The following AGBL1 variants were observed in gnomAD, a reference collection of about 807,000 sequenced individuals.
The protein encoded by AGBL1 is cytosolic carboxypeptidase 4.
A neutral mutation model predicts 118.9 loss-of-function variants in AGBL1; 130 were observed. That is an observed-to-expected ratio of 1.09 (90% CI 0.95 to 1.26). The LOEUF (loss-of-function observed/expected upper bound fraction) is 1.26, where lower values mean the gene tolerates loss of function less well. AGBL1 is among the 50% of genes most tolerant of loss of function. The pLI is 0.00. For missense variants in AGBL1, 1,584 were observed against 1,298.1 expected (o/e 1.22, Z -3.38); for synonymous variants, 555 against 478.9 (o/e 1.16, Z -2.08).
rs1188061011 is a variant in AGBL1, at chr15:86,968,142, T to C, written c.3222-19845T>C. ...GGTGAGGAGAGTCTCTTCCTGAACATGCAGAAAGAGGGTCACCCAAAATCA... is the reference window on the plus strand; with the variant it reads ...GGTGAGGAGAGTCTCTTCCTGAACACGCAGAAAGAGGGTCACCCAAAATCA... On this transcript the variant is annotated intron_variant, in intron 23 of 24. Coordinates refer to the AGBL1 transcript ENST00000441037. Among the ~76,000 whole-genome samples, 6 of 151,966 alleles carry C rather than the reference T, an allele frequency of 3.9e-5. No homozygotes were observed. In the East Asian group the frequency reaches 1.2e-3, roughly 30 times the overall value.
At chr15:86,301,478 T>C (rs2079744209) in intron 17 of AGBL1, among the ~76,000 whole-genome samples, 1 of 151,900 alleles carries the variant, frequency 6.6e-6, no homozygotes, top group Non-Finnish European at 1.5e-5. Context: ...GCATAATGAG[T>C]TCTCTCCATG....
At chr15:86,800,085 T>C (rs1169731033) in intron 22 of AGBL1, among the ~76,000 whole-genome samples, 2 of 152,090 alleles carry the variant, frequency 1.3e-5, no homozygotes, top group African/African-American at 4.8e-5. Context: ...ATCATGCTTG[T>C]TTACTAATAA....
chr15:86,098,007 A>G (rs1307723059), intron 1 of AGBL1, among the ~76,000 whole-genome samples: 1 of 152,112 alleles, frequency 6.6e-6, no homozygotes, highest in Non-Finnish European at 1.5e-5. Context: ...AATAATATCC[A>G]TTCTTCCTGG....
chr15:86,360,520 G>T (rs1381439348), intron 17 of AGBL1, among the ~76,000 whole-genome samples: 1 of 151,600 alleles, frequency 6.6e-6, no homozygotes, highest in Non-Finnish European at 1.5e-5. Context: ...TTTCCTTTTT[G>T]TCTCTTTGGT....
intron 22 of AGBL1, among the ~76,000 whole-genome samples, chr15:86,748,821 G>C (rs2077800608): frequency 6.6e-6 from 1 of 151,978 alleles, no homozygotes; most frequent in South Asian, 2.1e-4. Context: ...GATGGTTGTA[G>C]ATGTGTGGTA....
chr15:86,335,472 C>T (rs2080351833), intron 17 of AGBL1, among the ~76,000 whole-genome samples: 1 of 152,054 alleles, frequency 6.6e-6, no homozygotes, highest in Admixed American at 6.6e-5. Flanking sequence ...TCAGAAAGAG[C>T]ATAGAGAGTA....
intron 17 of AGBL1, among the ~76,000 whole-genome samples, chr15:86,321,868 A>G (rs1016236123): frequency 1.2e-5 from 1 of 85,728 alleles, no homozygotes; most frequent in African/African-American, 7.9e-5. Context: ...TTCTGTCAGT[A>G]CTAATTTTTT....
intron 18 of AGBL1, among the ~76,000 whole-genome samples, chr15:86,519,068 T>A (rs1278496460): frequency 6.6e-6 from 1 of 152,110 alleles, no homozygotes; most frequent in Non-Finnish European, 1.5e-5. Flanking sequence ...GTAACTTATT[T>A]TCAGTGAAGG....
At chr15:86,163,148 C>A (rs1306508421) in intron 5 of AGBL1, among the ~76,000 whole-genome samples, 3 of 152,224 alleles carry the variant, frequency 2.0e-5, no homozygotes, top group Non-Finnish European at 2.9e-5. Context: ...TAATTAAATT[C>A]AAACGAGGCT....
chr15:86,205,612 C>T (rs1016979426), intron 5 of AGBL1, among the ~76,000 whole-genome samples: 3 of 152,168 alleles, frequency 2.0e-5, no homozygotes, highest in East Asian at 1.9e-4. Flanking sequence ...CCTCACCATT[C>T]GTCGGTATTG....
At chr15:87,005,954 G>T (rs1203275214) in intron 24 of AGBL1, among the ~76,000 whole-genome samples, 1 of 152,178 alleles carries the variant, frequency 6.6e-6, no homozygotes, top group African/African-American at 2.4e-5. Context: ...TTTGCTGGAG[G>T]TCCACTCCAG....
chr15:86,423,974 T>C (rs935785181), intron 18 of AGBL1, among the ~76,000 whole-genome samples: 4 of 152,166 alleles, frequency 2.6e-5, no homozygotes, highest in African/African-American at 9.7e-5. Context: ...AATTTATAGA[T>C]TGAATGCTAA....
intron 21 of AGBL1, among the ~76,000 whole-genome samples, chr15:86,634,825 A>G (rs2142447525): frequency 6.6e-6 from 1 of 152,310 alleles, no homozygotes; most frequent in South Asian, 2.1e-4. Context: ...GGCAATAAAA[A>G]TGTTCCGTTT....
intron 22 of AGBL1, among the ~76,000 whole-genome samples, chr15:86,902,678 G>A (rs2080227105): frequency 6.6e-6 from 1 of 152,122 alleles, no homozygotes. Context: ...GCTAGTTTTA[G>A]AGTGTTAGGT....
chr15:86,796,425 G>A (rs975997570), intron 22 of AGBL1, among the ~76,000 whole-genome samples: 46 of 152,200 alleles, frequency 3.0e-4, no homozygotes, highest in African/African-American at 1.1e-3. Flanking sequence ...TCAAGCAAGT[G>A]CAAGGGTCAA....
At chr15:86,488,642 C>G (rs1287500321) in intron 18 of AGBL1, among the ~76,000 whole-genome samples, 2 of 152,090 alleles carry the variant, frequency 1.3e-5, no homozygotes, top group Admixed American at 6.5e-5. Flanking sequence ...CATCCCCTCA[C>G]TCCCTGCCTC....
intron 7 of AGBL1, among the ~76,000 whole-genome samples, chr15:86,252,276 C>G (rs1226417641): frequency 2.0e-5 from 3 of 152,202 alleles, no homozygotes; most frequent in African/African-American, 7.2e-5. Context: ...CTCTGGCCAA[C>G]AAGACCAATG....
At chr15:86,617,171 C>G (rs1397731391) in intron 21 of AGBL1, among the ~76,000 whole-genome samples, 1 of 152,162 alleles carries the variant, frequency 6.6e-6, no homozygotes, top group Non-Finnish European at 1.5e-5. Flanking sequence ...ATAAAGGGTC[C>G]TGCTTTTACA....
chr15:86,193,725 A>G (rs184723849), intron 5 of AGBL1, among the ~76,000 whole-genome samples: 1 of 152,304 alleles, frequency 6.6e-6, no homozygotes, highest in East Asian at 1.9e-4. Flanking sequence ...TGTCTGAAGC[A>G]TTCTCTCAAG....
Sources: gnomAD v4.1 joint callset for allele counts (sites outside exome capture counted in the v4.1 genomes callset) on GRCh38, gnomAD v4.1.1 for gene constraint, MANE v1.5 for transcripts, NCBI Gene and HGNC (gene_info 2026-07-23, HGNC 2026-07-21) for gene names.